TNRC6C: variants seen among roughly 807,000 people sequenced by gnomAD.
TNRC6C encodes trinucleotide repeat-containing gene 6C protein.
TNRC6C carries 20 observed loss-of-function variants against 153.7 expected under a neutral mutation model. That is an observed-to-expected ratio of 0.13 (90% CI 0.09 to 0.19). The LOEUF (loss-of-function observed/expected upper bound fraction) is 0.19, where lower values mean the gene tolerates loss of function less well. TNRC6C is among the 10% of genes least tolerant of loss of function. The pLI is 1.00. For synonymous variants in TNRC6C, 811 were observed against 841.4 expected (o/e 0.96, Z 0.63); for missense variants, 1,987 against 2,172.0 (o/e 0.91, Z 1.69).
intron 5 of TNRC6C, among the ~76,000 whole-genome samples, chr17:78,069,605 A>G (rs990146560): frequency 3.3e-4 from 51 of 152,252 alleles, no homozygotes; most frequent in African/African-American, 9.4e-4. Context: ...GCATTTATAC[A>G]GTTTTGTATT....
exon 3 of TNRC6C, chr17:78,050,220 C>T: frequency 6.5e-7 from 1 of 1,537,958 alleles, no homozygotes; most frequent in Non-Finnish European, 8.7e-7. Context: ...ACTCCTGGGC[C>T]AAAGCGGCAT....
chr17:78,083,362 G>A (rs1394720104), intron 11 of TNRC6C, among the ~76,000 whole-genome samples, 196 bp downstream of exon 13: 1 of 152,130 alleles, frequency 6.6e-6, no homozygotes, highest in Non-Finnish European at 1.5e-5. Context: ...AAATGTTTTG[G>A]CCTCTTTGTT....
intron 3 of TNRC6C, among the ~76,000 whole-genome samples, chr17:78,056,748 A>T (rs982584666): frequency 1.8e-4 from 27 of 151,896 alleles, no homozygotes; most frequent in Admixed American, 1.2e-3. Flanking sequence ...TACAGGCGTG[A>T]GCCACCACGC....
intron 2 of TNRC6C, among the ~76,000 whole-genome samples, chr17:78,043,761 T>C (rs2072348806): frequency 6.6e-6 from 1 of 152,138 alleles, no homozygotes; most frequent in Non-Finnish European, 1.5e-5. Context: ...GCCTCTATCT[T>C]CATAAGTTCA....
chr17:78,091,201 G>A (rs971286884), intron 13 of TNRC6C, among the ~76,000 whole-genome samples: 1 of 151,910 alleles, frequency 6.6e-6, no homozygotes, highest in Non-Finnish European at 1.5e-5. Flanking sequence ...AAAATATTTT[G>A]CTGTATCCCA....
intron 1 of TNRC6C, among the ~76,000 whole-genome samples, chr17:78,026,140 A>C (rs1378104876): frequency 6.6e-6 from 1 of 152,158 alleles, no homozygotes; most frequent in Non-Finnish European, 1.5e-5. Context: ...CTGTCTCTGC[A>C]TTTTTTAAAC....
At chr17:78,088,862 C>T (rs1318755254) in intron 13 of TNRC6C, among the ~76,000 whole-genome samples, 1 of 151,676 alleles carries the variant, frequency 6.6e-6, no homozygotes, top group Non-Finnish European at 1.5e-5. Context: ...AAACAAATTT[C>T]ATCCCACCTA....
At chr17:78,096,959 GC>G (rs1339958193) in intron 16 of TNRC6C, among the ~76,000 whole-genome samples, 8 of 152,184 alleles carry the variant, frequency 5.3e-5, no homozygotes, top group Non-Finnish European at 1.2e-4. Context: ...ACAGGGACAA[GC>G]TTTCCTCAAA....
intron 2 of TNRC6C, among the ~76,000 whole-genome samples, chr17:78,043,751 G>A (rs2072348471): frequency 6.6e-6 from 1 of 151,324 alleles, no homozygotes; most frequent in Non-Finnish European, 1.5e-5. Flanking sequence ...ACCCTTCCTA[G>A]CCTCTATCTT....
exon 3 of TNRC6C, chr17:78,051,279 T>C: frequency 6.4e-7 from 1 of 1,552,336 alleles, no homozygotes; most frequent in Non-Finnish European, 8.7e-7. Context: ...ACTATAACAA[T>C]AAAACTGTAA....
At chr17:78,094,089 C>G (rs1275855772) in intron 16 of TNRC6C, among the ~76,000 whole-genome samples, 3 of 151,734 alleles carry the variant, frequency 2.0e-5, no homozygotes, top group African/African-American at 7.3e-5. Flanking sequence ...AAGCGACTCT[C>G]CTGCCTCAGC....
chr17:78,030,138 G>C (rs540696152), intron 1 of TNRC6C, among the ~76,000 whole-genome samples: 3 of 151,958 alleles, frequency 2.0e-5, no homozygotes, highest in South Asian at 2.1e-4. Context: ...TGTACATAAT[G>C]TATGTGCTAG....
At chr17:77,958,200 G>A (rs2144004320), upstream of TNRC6C, among the ~76,000 whole-genome samples, 1 of 152,126 alleles carries the variant, frequency 6.6e-6, no homozygotes, top group African/African-American at 2.4e-5. Context: ...CATAAAGCCC[G>A]GGCGCCGCGG....
intron 2 of TNRC6C, among the ~76,000 whole-genome samples, chr17:78,044,546 C>T (rs2072368050): frequency 6.6e-6 from 1 of 152,208 alleles, no homozygotes; most frequent in South Asian, 2.1e-4. Flanking sequence ...AGAAGTCGTT[C>T]ATCTTGTTTA....
chr17:78,087,588 C>T (rs192813408), intron 13 of TNRC6C, among the ~76,000 whole-genome samples: 1 of 152,190 alleles, frequency 6.6e-6, no homozygotes, highest in South Asian at 2.1e-4. Context: ...CTAGTCTACT[C>T]TGAACTGTAC....
exon 3 of TNRC6C, chr17:78,050,590 G>T (rs1467346596): frequency 6.3e-7 from 1 of 1,592,976 alleles, no homozygotes; most frequent in Non-Finnish European, 8.6e-7. Flanking sequence ...ATCTGGGTGG[G>T]TCAACGCGCC....
chr17:78,065,604 T>G (rs2072859931), intron 4 of TNRC6C, among the ~76,000 whole-genome samples: 1 of 152,172 alleles, frequency 6.6e-6, no homozygotes, highest in Non-Finnish European at 1.5e-5. Context: ...AAACATGTCA[T>G]CTCCTTGAGA....
At chr17:78,011,624 G>A (rs1018700565) in intron 1 of TNRC6C, among the ~76,000 whole-genome samples, 1 of 152,126 alleles carries the variant, frequency 6.6e-6, no homozygotes, top group African/African-American at 2.4e-5. Flanking sequence ...TTGAGCTATT[G>A]AGTAAAGCTT....
chr17:78,007,793 A>G (rs2071548945), intron 1 of TNRC6C, among the ~76,000 whole-genome samples: 1 of 152,248 alleles, frequency 6.6e-6, no homozygotes, highest in Non-Finnish European at 1.5e-5. Flanking sequence ...AGAAGTTTGA[A>G]TAATTTTGGT....
Sources: allele counts gnomAD v4.1 joint callset (sites outside exome capture counted in the v4.1 genomes callset), GRCh38; gene constraint gnomAD v4.1.1; transcripts MANE v1.5; gene names NCBI Gene and HGNC (gene_info 2026-07-23, HGNC 2026-07-21).